Variants in MIPOL1 observed in about 807,000 individuals in gnomAD.
The protein encoded by MIPOL1 is mirror-image polydactyly gene 1 protein.
In MIPOL1, 57 loss-of-function variants were observed where a neutral mutation model predicts 60.9. The observed-to-expected ratio is 0.94, with a 90% confidence interval of 0.76 to 1.17. The LOEUF is 1.17. Ranked by LOEUF, MIPOL1 falls within the 50% of genes most tolerant of loss-of-function variation. MIPOL1 has a pLI of 0.00. For missense variants in MIPOL1, 551 were observed against 511.6 expected (o/e 1.08, Z -0.74); for synonymous variants, 179 against 168.8 (o/e 1.06, Z -0.47).
chr14:37,346,245 C>T (rs2090936641), intron 9 of MIPOL1, among the ~76,000 whole-genome samples: 1 of 152,148 alleles, frequency 6.6e-6, no homozygotes, highest in South Asian at 2.1e-4. Flanking sequence ...AGGAGAATTG[C>T]TTGAACCCAG....
intron 10 of MIPOL1, among the ~76,000 whole-genome samples, chr14:37,395,932 C>A (rs1446527535): frequency 1.3e-5 from 2 of 152,252 alleles, no homozygotes; most frequent in African/African-American, 4.8e-5. Flanking sequence ...CTGAAGGCAG[C>A]AGATAGTTGG....
At chr14:37,436,823 G>A (rs1262743067) in intron 11 of MIPOL1, among the ~76,000 whole-genome samples, 1 of 152,138 alleles carries the variant, frequency 6.6e-6, no homozygotes, top group East Asian at 1.9e-4. Flanking sequence ...ATTTAAATGT[G>A]TAAATATTCC....
At position 37,449,607 on chromosome 14, in the gene MIPOL1, C is replaced by G. The variant is rs143798428; in HGVS notation, c.1031+26658C>G. ...GGTATTCTAAAATTATGGCTCCTAT[C>G]CTTTTGATTGAATTTGTCAACCGTG... On this transcript the variant is annotated intron_variant, in intron 11 of 12. Coordinates refer to ENST00000684589, the MANE Select transcript of MIPOL1 (RefSeq NM_001388067.1). Among the ~76,000 whole-genome samples, 771 of 152,154 alleles carry G rather than the reference C, an allele frequency of 5.1e-3. 5 individuals are homozygous for G. Among genetic ancestry groups the G allele is most frequent in the African/African-American group, 0.017 (724 of 41,532 alleles).
intron 10 of MIPOL1, among the ~76,000 whole-genome samples, chr14:37,418,253 A>G (rs2153545978): frequency 6.6e-6 from 1 of 152,328 alleles, no homozygotes; most frequent in Admixed American, 6.5e-5. Flanking sequence ...ATACTGGTTA[A>G]GAATAGCGCT....
chr14:37,278,627 T>C (rs2153401596), intron 6 of MIPOL1: 1 of 151,856 alleles, frequency 6.6e-6, no homozygotes, highest in East Asian at 1.9e-4. Context: ...GCCTTTTATA[T>C]TTACATAACT....
In MIPOL1 at chr14:37,548,795, T is replaced by A. The variant is rs756165140; in HGVS notation, c.*1824T>A. 6.6e-6 allele frequency: 1 copy of A among 152,022 alleles called. No homozygotes were observed. Among genetic ancestry groups the A allele is most frequent in the Non-Finnish European group, 1.5e-5 (1 of 67,856 alleles). 9.4% of individuals were successfully genotyped at this position (152,022 alleles called of 1,614,324 possible). ...GTCTTTTAGAATACACAAAATATAG[T>A]ATAAAGACATTTCACAATTTCCAAA... On this transcript the variant is annotated 3_prime_UTR_variant, in exon 13 of 13. Coordinates refer to ENST00000684589, the MANE Select transcript of MIPOL1 (RefSeq NM_001388067.1).
At chr14:37,356,565 T>C (rs2091851776) in intron 9 of MIPOL1, among the ~76,000 whole-genome samples, 1 of 152,204 alleles carries the variant, frequency 6.6e-6, no homozygotes. Context: ...CGAGACTCTG[T>C]GGGTGTAGGA....
chr14:37,474,130 G>T (rs2094730361), intron 11 of MIPOL1, among the ~76,000 whole-genome samples: 2 of 152,016 alleles, frequency 1.3e-5, no homozygotes, highest in Non-Finnish European at 1.5e-5. Flanking sequence ...ATATTCCATT[G>T]TACAGACACA....
intron 9 of MIPOL1, among the ~76,000 whole-genome samples, chr14:37,364,695 T>C (rs1482399274): frequency 6.6e-6 from 1 of 152,218 alleles, no homozygotes; most frequent in African/African-American, 2.4e-5. Flanking sequence ...AGGGTAACTT[T>C]GGTTCTTCTG....
Position 37,262,331 on chromosome 14 carries a change from A to G in MIPOL1, c.20-4607A>G, listed in dbSNP as rs191384105. ...TTCATTAAAAAAAAAGTTTTTGCCC[A>G]TTGAAAAAAGACATCTTTTGTTTAA... On this transcript the variant is annotated intron_variant, in intron 3 of 12. Coordinates refer to ENST00000684589, the MANE Select transcript of MIPOL1 (RefSeq NM_001388067.1). Among the ~76,000 whole-genome samples the G allele has an allele frequency of 2.1e-3, 317 of 152,174 alleles. 1 individual carries two copies. Among genetic ancestry groups the G allele is most frequent in the Middle Eastern group, 0.014 (4 of 294 alleles).
chr14:37,481,719 G>T (rs896462269), intron 11 of MIPOL1, among the ~76,000 whole-genome samples: 2 of 151,894 alleles, frequency 1.3e-5, no homozygotes, highest in African/African-American at 4.8e-5. Flanking sequence ...AAAACAGCAT[G>T]ATACTGCCAA....
intron 10 of MIPOL1, among the ~76,000 whole-genome samples, chr14:37,385,242 T>C (rs770083680): frequency 4.6e-5 from 7 of 152,122 alleles, no homozygotes; most frequent in Admixed American, 1.3e-4. Context: ...TTTTATCTTA[T>C]GTAATTAATA....
chr14:37,526,095 C>CA (rs528936861), intron 12 of MIPOL1, among the ~76,000 whole-genome samples: 12 of 151,346 alleles, frequency 7.9e-5, no homozygotes, highest in Non-Finnish European at 1.6e-4. Context: ...GAAGAATCAC[C>CA]AAAAATGTGA....
Position 37,416,700 on chromosome 14 carries a change from A to C in MIPOL1, c.937-6155A>C, listed in dbSNP as rs116964506. ...ATGATCTATGACAAAGAAAAAGAAA[A>C]CTCTCCTAGTTACCTTGGTCAACAA... On this transcript the variant is annotated intron_variant, in intron 10 of 12. Transcript: ENST00000684589. Among the ~76,000 whole-genome samples, 1,153 of 152,074 alleles carry C rather than the reference A, an allele frequency of 7.6e-3. 11 individuals are homozygous for C. Among genetic ancestry groups the C allele is most frequent in the Non-Finnish European group, 0.011 (769 of 67,970 alleles).
intron 11 of MIPOL1, among the ~76,000 whole-genome samples, chr14:37,424,381 G>A (rs2093925759): frequency 6.6e-6 from 1 of 152,082 alleles, no homozygotes; most frequent in African/African-American, 2.4e-5. Flanking sequence ...ACAGAGGGAA[G>A]ACAATCTGAA....
intron 11 of MIPOL1, among the ~76,000 whole-genome samples, chr14:37,487,369 A>T (rs2094964760): frequency 6.6e-6 from 1 of 152,166 alleles, no homozygotes; most frequent in African/African-American, 2.4e-5. Context: ...GTTAGGGAAG[A>T]TTCCCTCTTT....
In MIPOL1 at chr14:37,550,713, G is replaced by A. The variant is rs1183214097; in HGVS notation, c.*3742G>A. Reference sequence around the variant, plus strand: ...AATATGTCATCTCTAGAAAAGATGTGGTTTGTTTTGGCACTGTTTTAAAAA... The same window carrying A: ...AATATGTCATCTCTAGAAAAGATGTAGTTTGTTTTGGCACTGTTTTAAAAA... On this transcript the variant is annotated 3_prime_UTR_variant, in exon 13 of 13. Coordinates refer to ENST00000684589, the MANE Select transcript of MIPOL1 (RefSeq NM_001388067.1). The A allele has an allele frequency of 6.6e-6, 1 of 152,332 alleles. No homozygotes were observed. The highest frequency in any genetic ancestry group is 1.5e-5 in the Non-Finnish European group (1 of 67,934). The allele number at this position is 152,332 out of a possible 1,614,324, so 9.4% of individuals were successfully genotyped here.
chr14:37,532,406 C>G (rs1223608268), intron 12 of MIPOL1, among the ~76,000 whole-genome samples: 1 of 152,144 alleles, frequency 6.6e-6, no homozygotes, highest in Non-Finnish European at 1.5e-5. Context: ...AATACTAACA[C>G]TTTAACGCAT....
At chr14:37,541,698 A>C (rs535380672) in intron 12 of MIPOL1, among the ~76,000 whole-genome samples, 7 of 152,304 alleles carry the variant, frequency 4.6e-5, no homozygotes, top group African/African-American at 1.4e-4. Context: ...TGAATCTAGC[A>C]CGTATGAGAT....
Sources: allele counts gnomAD v4.1 joint callset (sites outside exome capture counted in the v4.1 genomes callset), GRCh38; gene constraint gnomAD v4.1.1; transcripts MANE v1.5; gene names NCBI Gene and HGNC (gene_info 2026-07-23, HGNC 2026-07-21).